The following SCAMP1 variants were observed in gnomAD, a reference collection of about 807,000 sequenced individuals.
SCAMP1 encodes secretory carrier-associated membrane protein 1.
SCAMP1 carries 15 observed loss-of-function variants against 41.8 expected under a neutral mutation model. The ratio of observed to expected loss-of-function variants is 0.36; its 90% confidence interval spans 0.24 to 0.55. SCAMP1 has a LOEUF of 0.55. SCAMP1 is among the 20% of genes least tolerant of loss of function. The pLI is 0.86. For missense variants in SCAMP1, 341 were observed against 412.6 expected (o/e 0.83, Z 1.50); for synonymous variants, 135 against 136.8 (o/e 0.99, Z 0.09).
At chr5:78,399,193 CCA>C (rs1453759169) in intron 2 of SCAMP1, among the ~76,000 whole-genome samples, 1 of 152,124 alleles carries the variant, frequency 6.6e-6, no homozygotes, top group Admixed American at 6.6e-5. Context: ...TCTGGATGTA[CCA>C]CAGTTTATTT....
intron 4 of SCAMP1, among the ~76,000 whole-genome samples, chr5:78,417,966 C>CG (rs1377035573): frequency 2.0e-5 from 3 of 152,030 alleles, no homozygotes; most frequent in Middle Eastern, 3.2e-3. Flanking sequence ...CATCTAAAAT[C>CG]GGGAAATGGC....
rs116755202 is a variant in SCAMP1 at position 78,448,594 on chromosome 5, T to C, written c.633-1339T>C. ...ATTAGGAAGATGCAAATTAAAACCATGTAAGATATTACTGTACAGCTATTA... is the reference window on the plus strand; with the variant it reads ...ATTAGGAAGATGCAAATTAAAACCACGTAAGATATTACTGTACAGCTATTA... On this transcript the variant is annotated intron_variant, in intron 6 of 8. Coordinates refer to ENST00000621999, the MANE Select transcript of SCAMP1 (RefSeq NM_004866.6). 5.5e-3 allele frequency among the ~76,000 whole-genome samples: 838 copies of C among 152,308 alleles called. 11 individuals carry two copies. Among genetic ancestry groups the C allele is most frequent in the African/African-American group, 0.019 (796 of 41,564 alleles).
intron 2 of SCAMP1, among the ~76,000 whole-genome samples, chr5:78,409,422 TACAC>T (rs59969661): frequency 0.023 from 3,472 of 148,792 alleles, 140 homozygotes; most frequent in African/African-American, 0.078. Context: ...CACATATAGA[TACAC>T]ACACACACAC....
In SCAMP1 at chr5:78,475,863, C is replaced by A; in HGVS notation, c.*195C>A. ...TAATAGTTTCTTAATATTTCAGTGC[C>A]CCTTGCAGAAAAAATATTACATGCT... On this transcript the variant is annotated 3_prime_UTR_variant, in exon 9 of 9. Transcript: ENST00000621999. 1 of 345,054 alleles carries A rather than the reference C, an allele frequency of 2.9e-6. No individual in the cohort carries two copies. Among genetic ancestry groups the A allele is most frequent in the Non-Finnish European group, 5.1e-6 (1 of 194,684 alleles). 21.4% of individuals were successfully genotyped at this position (345,054 alleles called of 1,614,324 possible). A position where few individuals can be genotyped will look rare whatever the true frequency, so the allele number is the denominator to read the frequency against.
chr5:78,367,018 C>T (rs1750815222), intron 1 of SCAMP1, among the ~76,000 whole-genome samples: 1 of 151,874 alleles, frequency 6.6e-6, no homozygotes, highest in African/African-American at 2.4e-5. Context: ...TGAGGATTTC[C>T]TTTGTGATTG....
chr5:78,464,483 A>C (rs1406051058), intron 8 of SCAMP1, among the ~76,000 whole-genome samples: 4 of 152,056 alleles, frequency 2.6e-5, no homozygotes, highest in Non-Finnish European at 5.9e-5. Context: ...TTCCATTTCC[A>C]ACCTCAGCTA....
At chr5:78,361,246 G>T (rs1341029542) in intron 1 of SCAMP1, among the ~76,000 whole-genome samples, 1 of 152,052 alleles carries the variant, frequency 6.6e-6, no homozygotes, top group Non-Finnish European at 1.5e-5. Flanking sequence ...AAAAAAAAAG[G>T]TTATGTTTTT....
intron 2 of SCAMP1, among the ~76,000 whole-genome samples, chr5:78,399,858 T>C (rs1167307907): frequency 6.6e-6 from 1 of 152,220 alleles, no homozygotes; most frequent in Admixed American, 6.5e-5. Flanking sequence ...TAAAAAGTCA[T>C]CACCATACCC....
chr5:78,449,998 T>C lies in SCAMP1; in HGVS notation c.698T>C (p.Val233Ala). ...TATATTTGTCAGTTTGCTGTACATG[T>C]ACTCCAAGCTGCAGGATTTCATAAC... ...FVYICQFAVH[V>A]LQAAGFHNWG... The change falls in exon 7 of 9, where the codon GTA (valine) becomes GCA (alanine). Residue 233 changes from valine to alanine, a missense_variant. Physicochemically the swap from Val to Ala is moderately conservative, Grantham distance 64 (BLOSUM62 0). Transcript: ENST00000621999. 1 of 1,583,974 alleles carries C rather than the reference T, an allele frequency of 6.3e-7. No individual in the cohort carries two copies. The highest frequency in any genetic ancestry group is 1.2e-5 in the South Asian group (1 of 83,572).
rs1025343174 is a variant in SCAMP1 at position 78,453,608 on chromosome 5, G to A, written c.734+3574G>A. On this transcript the variant is annotated intron_variant, in intron 7 of 8. Coordinates refer to ENST00000621999, the MANE Select transcript of SCAMP1 (RefSeq NM_004866.6). ...CTGTAGCCTTGTAGTATAGTTTGAA[G>A]TCAGGTAGTGTGATGCCTCCAGCTT... Among the ~76,000 whole-genome samples the A allele has an allele frequency of 5.3e-5, 8 of 151,888 alleles. No individual in the cohort carries two copies. The South Asian group carries it at 6.2e-4, about 12-fold the overall frequency.
rs3058233 is a variant in SCAMP1, at chr5:78,404,453, GTT to G, written c.136-11048_136-11047del. 1.0e-3 allele frequency among the ~76,000 whole-genome samples: 101 copies of G among 98,158 alleles called. 1 individual carries two copies. Among genetic ancestry groups the G allele is most frequent in the Middle Eastern group, 5.8e-3 (1 of 172 alleles). The allele number at this position is 98,158 out of a possible 152,430, so 64.4% of individuals were successfully genotyped here. ...TGAGCCACTGTGCCCAGCCTTACAG[GTT>G]TTTTTTTTTTTTTTTTTTGCTAGGC... is the stretch of plus-strand genomic sequence containing the variant. On this transcript the variant is annotated intron_variant, in intron 2 of 8. Transcript: ENST00000621999.
chr5:78,382,305 G>C (rs4498238), intron 1 of SCAMP1, among the ~76,000 whole-genome samples: 36,365 of 152,084 alleles, frequency 0.24, 4,814 homozygotes, highest in East Asian at 0.54. Flanking sequence ...ATTATGCTGA[G>C]ATGTTCATTA....
Position 78,480,674 on chromosome 5 carries a change from T to A in SCAMP1, c.*5006T>A, listed in dbSNP as rs1256503939. ...AGTATAAAAGCAATACATAATGTGTTGTAGAACAATTAAAAATTCAGAAAG... is the reference window on the plus strand; with the variant it reads ...AGTATAAAAGCAATACATAATGTGTAGTAGAACAATTAAAAATTCAGAAAG... On this transcript the variant is annotated 3_prime_UTR_variant, in exon 9 of 9. Transcript: ENST00000621999. 1.3e-5 allele frequency among the ~76,000 whole-genome samples: 2 copies of A among 152,236 alleles called. No individual in the cohort carries two copies. Among genetic ancestry groups the A allele is most frequent in the East Asian group, 1.9e-4 (1 of 5,200 alleles).
intron 2 of SCAMP1, among the ~76,000 whole-genome samples, chr5:78,408,065 T>C (rs1751977406): frequency 6.6e-6 from 1 of 152,216 alleles, no homozygotes; most frequent in African/African-American, 2.4e-5. Context: ...GTTAATTTCT[T>C]GAAGCCTGGT....
rs750834214 is a variant in SCAMP1, at chr5:78,418,819, G to A, written c.388G>A (p.Gly130Arg). The A allele has an allele frequency of 8.3e-6, 13 of 1,572,496 alleles. No individual in the cohort carries two copies. The highest frequency in any genetic ancestry group is 1.7e-4 in the Middle Eastern group (1 of 5,982). The stretch of plus-strand genomic sequence containing the variant: ...ACCTCTTCCTAGCAATTTTCCTGTC[G>A]GACCTTGTTTCTATCAGGATTTTTC... ...WPPLPSNFPV[G>R]PCFYQDFSVD... The change falls in exon 5 of 9, where the codon GGA (glycine) becomes AGA (arginine). Residue 130 changes from glycine (G) to arginine (R), a missense_variant. Physicochemically the swap from Gly to Arg is moderately radical, Grantham distance 125. Transcript: ENST00000621999.
chr5:78,427,537 A>G (rs1336677847), intron 6 of SCAMP1, among the ~76,000 whole-genome samples: 2 of 152,204 alleles, frequency 1.3e-5, no homozygotes, highest in Non-Finnish European at 2.9e-5. Context: ...AAGAGTTACC[A>G]TAACAATATT....
chr5:78,409,824 C>T (rs1180757475), intron 2 of SCAMP1, among the ~76,000 whole-genome samples: 1 of 152,142 alleles, frequency 6.6e-6, no homozygotes, highest in East Asian at 1.9e-4. Flanking sequence ...TAAAGTAATA[C>T]AGCATTTATA....
intron 6 of SCAMP1, among the ~76,000 whole-genome samples, chr5:78,429,954 C>G (rs999583674): frequency 2.0e-5 from 3 of 151,620 alleles, no homozygotes; most frequent in Non-Finnish European, 4.4e-5. Context: ...TGCATCTTTT[C>G]TCCCCACAGT....
chr5:78,383,585 A>C (rs572238099), intron 1 of SCAMP1, among the ~76,000 whole-genome samples: 1 of 152,208 alleles, frequency 6.6e-6, no homozygotes, highest in African/African-American at 2.4e-5. Context: ...TAGGTCTTTG[A>C]TCCATCTTGA....
Sources: gnomAD v4.1 joint callset for allele counts (sites outside exome capture counted in the v4.1 genomes callset) on GRCh38, gnomAD v4.1.1 for gene constraint, MANE v1.5 for transcripts, NCBI Gene and HGNC (gene_info 2026-07-23, HGNC 2026-07-21) for gene names.